Variants in HPSE2 observed in about 807,000 individuals in gnomAD.
The protein encoded by HPSE2 is inactive heparanase-2.
A neutral mutation model predicts 60.5 loss-of-function variants in HPSE2; 38 were observed. That is an observed-to-expected ratio of 0.63 (90% confidence interval 0.48 to 0.82). HPSE2 has a LOEUF of 0.82. Ranked by LOEUF, HPSE2 falls within the 40% of genes least tolerant of loss-of-function variation. The pLI, the probability that HPSE2 is intolerant of heterozygous loss-of-function variation, is 0.00. For synonymous variants in HPSE2, 295 were observed against 293.2 expected (o/e 1.01, Z -0.06); for missense variants, 713 against 740.4 (o/e 0.96, Z 0.43).
At position 98,929,376 on chromosome 10, in the gene HPSE2, T is replaced by A. The variant is rs1395127442; in HGVS notation, c.611-185320A>T. Among the ~76,000 whole-genome samples the A allele has an allele frequency of 6.9e-5, 10 of 144,404 alleles. 3 individuals are homozygous for A. Among genetic ancestry groups the A allele is most frequent in the African/African-American group, 2.8e-4 (10 of 35,750 alleles). The allele number at this position is 144,404 out of a possible 152,430, so 94.7% of individuals were successfully genotyped here. On this transcript the variant is annotated intron_variant, in intron 3 of 11. Transcript: ENST00000370552. Reference sequence around the variant, plus strand: ...TCTACTCCTGATAAAATAAAAATTTTAAAACTCTAGACTTCAGATTTCTTG... The same window carrying A: ...TCTACTCCTGATAAAATAAAAATTTAAAAACTCTAGACTTCAGATTTCTTG...
At chr10:98,516,775 G>A (rs1240193703) in intron 9 of HPSE2, among the ~76,000 whole-genome samples, 2 of 152,160 alleles carry the variant, frequency 1.3e-5, no homozygotes, top group Non-Finnish European at 1.5e-5. Context: ...CAGAACACCA[G>A]ATGTGAAGCT....
chr10:99,154,699 G>A (rs942616951), intron 2 of HPSE2, among the ~76,000 whole-genome samples: 8 of 150,816 alleles, frequency 5.3e-5, no homozygotes, highest in South Asian at 2.1e-4. Flanking sequence ...ATAAACTAAC[G>A]AGCAAAATCA....
At chr10:99,193,671 A>G (rs1446908628) in intron 2 of HPSE2, among the ~76,000 whole-genome samples, 1 of 152,122 alleles carries the variant, frequency 6.6e-6, no homozygotes, top group Non-Finnish European at 1.5e-5. Context: ...CAAGATAAAA[A>G]CTACAAAGAG....
chr10:98,671,346 G>A (rs982092676), intron 6 of HPSE2, among the ~76,000 whole-genome samples: 5 of 151,948 alleles, frequency 3.3e-5, no homozygotes, highest in African/African-American at 1.2e-4. Context: ...ATGTGCCTTC[G>A]GTACTAAGAT....
intron 2 of HPSE2, among the ~76,000 whole-genome samples, chr10:99,150,977 AC>A (rs1238093587): frequency 1.3e-5 from 2 of 152,194 alleles, no homozygotes; most frequent in Non-Finnish European, 2.9e-5. Context: ...AGCTATGCAG[AC>A]TCAGAGGCAA....
intron 3 of HPSE2, among the ~76,000 whole-genome samples, chr10:98,964,676 T>C (rs936206324): frequency 2.6e-5 from 4 of 152,178 alleles, no homozygotes; most frequent in African/African-American, 9.6e-5. Context: ...TAATCCTTCA[T>C]ATGCATTCAA....
chr10:98,993,031 G>C (rs1238122359), intron 3 of HPSE2, among the ~76,000 whole-genome samples: 1 of 152,134 alleles, frequency 6.6e-6, no homozygotes, highest in Non-Finnish European at 1.5e-5. Flanking sequence ...TGATTTCTTT[G>C]ATCGCTATGA....
rs542114159 is a variant in HPSE2, at chr10:98,793,941, G to C, written c.611-49885C>G. 7.9e-4 allele frequency among the ~76,000 whole-genome samples: 121 copies of C among 152,310 alleles called. 1 individual carries two copies. Among genetic ancestry groups the C allele is most frequent in the African/African-American group, 2.8e-3 (115 of 41,554 alleles). On this transcript the variant is annotated intron_variant, in intron 3 of 11. Transcript: ENST00000370552. ...AGGATATGAGTTCTGAGAAATCCAA[G>C]AGGCAAGTTGGAGCTGCTAGATCAT...
upstream of HPSE2, chr10:99,235,960 T>A (rs1469488060): frequency 1.7e-6 from 1 of 576,246 alleles, no homozygotes; most frequent in East Asian, 3.0e-5. Context: ...TCCCGCTCTC[T>A]CTCTCTCTCG....
chr10:99,226,102 T>C (rs1015288945), intron 2 of HPSE2, among the ~76,000 whole-genome samples: 8 of 151,992 alleles, frequency 5.3e-5, no homozygotes, highest in Non-Finnish European at 8.8e-5. Context: ...AATTCTAACA[T>C]ACTTTCTATG....
At chr10:99,285,476 A>AAGGAAGGGAGGG in the HPSE2 span, among the ~76,000 whole-genome samples, 1 of 97,074 alleles carries the variant, frequency 1.0e-5, no homozygotes, top group African/African-American at 5.4e-5. Context: ...GGAAGGAAGG[A>AAGGAAGGGAGGG]AGGGAGGGAG....
At chr10:98,985,158 T>G (rs1186369031) in intron 3 of HPSE2, among the ~76,000 whole-genome samples, 1 of 152,030 alleles carries the variant, frequency 6.6e-6, no homozygotes, top group Non-Finnish European at 1.5e-5. Context: ...AAGATACTCC[T>G]CGAGAAGAGC....
intron 3 of HPSE2, among the ~76,000 whole-genome samples, chr10:99,082,880 T>C (rs1318864474): frequency 1.3e-5 from 2 of 152,062 alleles, no homozygotes; most frequent in Non-Finnish European, 2.9e-5. Context: ...ATTTCGAAAA[T>C]AAATTATGCC....
At chr10:99,253,050 T>C in the HPSE2 span, among the ~76,000 whole-genome samples, 2 of 151,894 alleles carry the variant, frequency 1.3e-5, no homozygotes, top group Non-Finnish European at 2.9e-5. Context: ...AAAATGGCCA[T>C]ATTGCCCAAA....
intron 2 of HPSE2, among the ~76,000 whole-genome samples, chr10:99,191,667 C>T (rs1222172792): frequency 1.3e-5 from 2 of 152,146 alleles, no homozygotes; most frequent in African/African-American, 2.4e-5. Flanking sequence ...AGAATGGGTA[C>T]AAAAAGACTG....
chr10:98,662,423 A>T (rs945013914), intron 6 of HPSE2, among the ~76,000 whole-genome samples: 4 of 152,220 alleles, frequency 2.6e-5, no homozygotes, highest in Non-Finnish European at 4.4e-5. Context: ...GATGGAGCTG[A>T]AGGCCATCAT....
intron 9 of HPSE2, among the ~76,000 whole-genome samples, chr10:98,548,967 A>G (rs1442682387): frequency 6.6e-6 from 1 of 152,036 alleles, no homozygotes; most frequent in Non-Finnish European, 1.5e-5. Context: ...GAGCCCCACA[A>G]TTGCACCTTC....
rs935681074 is a variant in HPSE2, at chr10:98,952,812, C to CTCT, written c.610+191423_610+191425dup. Among the ~76,000 whole-genome samples the CTCT allele has an allele frequency of 2.8e-4, 42 of 152,198 alleles. 1 individual carries two copies. The highest frequency in any genetic ancestry group is 2.4e-3 in the Admixed American group (37 of 15,284). ...TTCCCTTGGTGCATGTGCATGATCT[C>CTCT]TCTTCTTCTTATAAGGCCACCAATC... On this transcript the variant is annotated intron_variant, in intron 3 of 11. Coordinates refer to ENST00000370552, the MANE Select transcript of HPSE2 (RefSeq NM_021828.5).
intron 3 of HPSE2, among the ~76,000 whole-genome samples, chr10:98,753,779 A>G (rs973162741): frequency 6.6e-6 from 1 of 152,190 alleles, no homozygotes; most frequent in African/African-American, 2.4e-5. Flanking sequence ...CAGAAAAGAA[A>G]CTAGTCAACT....
Sources: gnomAD v4.1 joint callset for allele counts (sites outside exome capture counted in the v4.1 genomes callset) on GRCh38, gnomAD v4.1.1 for gene constraint, MANE v1.5 for transcripts, NCBI Gene and HGNC (gene_info 2026-07-23, HGNC 2026-07-21) for gene names.